MRPS35: variants seen among roughly 807,000 people sequenced by gnomAD.
The protein encoded by MRPS35 is small ribosomal subunit protein mS35.
Under a neutral mutation model 32.7 loss-of-function variants are expected in MRPS35, and 29 were observed. The ratio of observed to expected loss-of-function variants is 0.89; its 90% confidence interval spans 0.66 to 1.21. The LOEUF (loss-of-function observed/expected upper bound fraction) is 1.21. MRPS35 is among the 50% of genes most tolerant of loss of function. The pLI is 0.00. For missense variants in MRPS35, 373 were observed against 383.8 expected, an observed-to-expected ratio of 0.97 and a Z score of 0.23; for synonymous variants, 148 against 139.3, an observed-to-expected ratio of 1.06 and a Z score of -0.44.
At chr12:27,753,564 T>C (rs2062014756) in intron 7 of MRPS35, among the ~76,000 whole-genome samples, 1 of 152,170 alleles carries the variant, frequency 6.6e-6, no homozygotes, top group Non-Finnish European at 1.5e-5. Flanking sequence ...GGAATCTCTT[T>C]GAAGGGGATT....
chr12:27,716,515 TC>T (rs2061851767), intron 3 of MRPS35, 57 bp downstream of exon 3: 3 of 1,571,400 alleles, frequency 1.9e-6, no homozygotes, highest in African/African-American at 2.9e-5. Context: ...ATGCTGATCT[TC>T]CCCCCTATTT....
chr12:27,751,261 C>T (rs2062002168), intron 7 of MRPS35, among the ~76,000 whole-genome samples: 1 of 152,264 alleles, frequency 6.6e-6, no homozygotes, highest in East Asian at 1.9e-4. Context: ...GTTTTCCTTA[C>T]TAATGACTTT....
At position 27,714,822 on chromosome 12, in the gene MRPS35, T is replaced by TA; in HGVS notation, c.153+7dup. The TA allele has an allele frequency of 6.2e-7, 1 of 1,608,472 alleles. No individual in the cohort carries two copies. Among genetic ancestry groups the TA allele is most frequent in the Non-Finnish European group, 8.5e-7 (1 of 1,176,166 alleles). Reference sequence around the variant, plus strand: ...AATGAAAGGCCACCAAGAAGAAAGGTAAAAAGTTCGTATACTCTACTATCT... The same window carrying TA: ...AATGAAAGGCCACCAAGAAGAAAGGTAAAAAAGTTCGTATACTCTACTATCT... On this transcript the variant is annotated splice_region_variant and intron_variant, in intron 2 of 7. Coordinates refer to ENST00000081029, the MANE Select transcript of MRPS35 (RefSeq NM_021821.4).
chr12:27,751,615 C>T (rs1387794780), intron 7 of MRPS35, among the ~76,000 whole-genome samples: 2 of 152,148 alleles, frequency 1.3e-5, no homozygotes, highest in Non-Finnish European at 2.9e-5. Flanking sequence ...GCAGCTTAAC[C>T]CTTTATCTGG....
At chr12:27,718,881 G>C (rs1380668925) in intron 3 of MRPS35, among the ~76,000 whole-genome samples, 1 of 152,174 alleles carries the variant, frequency 6.6e-6, no homozygotes, top group Admixed American at 6.5e-5. Context: ...GAGGCCAGGA[G>C]TTTGAGACCA....
chr12:27,717,592 T>C (rs1465609750), intron 3 of MRPS35, among the ~76,000 whole-genome samples: 1 of 152,196 alleles, frequency 6.6e-6, no homozygotes, highest in Non-Finnish European at 1.5e-5. Context: ...GGAGAATGGG[T>C]ACTCTGTTGC....
intron 4 of MRPS35, among the ~76,000 whole-genome samples, chr12:27,722,293 A>G (rs2061879665): frequency 6.6e-6 from 1 of 152,228 alleles, no homozygotes; most frequent in African/African-American, 2.4e-5. Flanking sequence ...AGCATGGGAA[A>G]GTTAGGTAAT....
At position 27,753,880 on chromosome 12, in the gene MRPS35, G is replaced by A. The variant is rs535184240; in HGVS notation, c.703-1301G>A. Among the ~76,000 whole-genome samples the A allele has an allele frequency of 3.3e-5, 5 of 152,286 alleles. No homozygotes were observed. The East Asian group carries it at 7.7e-4, about 23-fold the overall frequency. ...TACCAGTGTTCCCTAGAATAGCATG[G>A]TAATAATTTTTGTAAGAAAAAACGA... On this transcript the variant is annotated intron_variant, in intron 7 of 7. Coordinates refer to ENST00000081029, the MANE Select transcript of MRPS35 (RefSeq NM_021821.4).
At chr12:27,711,580 A>C (rs1266714509) in intron 1 of MRPS35, among the ~76,000 whole-genome samples, 1 of 152,120 alleles carries the variant, frequency 6.6e-6, no homozygotes, top group Non-Finnish European at 1.5e-5. Flanking sequence ...TCTAATCAAT[A>C]GGCGGATCCT....
At chr12:27,752,493 T>C (rs2062009595) in intron 7 of MRPS35, among the ~76,000 whole-genome samples, 1 of 152,340 alleles carries the variant, frequency 6.6e-6, no homozygotes, top group African/African-American at 2.4e-5. Context: ...AATAGTTAAG[T>C]CTCTTAATTG....
At chr12:27,740,623 G>T (rs954405997) in intron 7 of MRPS35, among the ~76,000 whole-genome samples, 19 of 152,308 alleles carry the variant, frequency 1.2e-4, no homozygotes, top group African/African-American at 4.6e-4. Flanking sequence ...GCACTGAGGG[G>T]AAAGTAGCTG....
chr12:27,732,987 GATATATATATATATAT>G (rs56932909), intron 5 of MRPS35, among the ~76,000 whole-genome samples: 3,165 of 120,014 alleles, frequency 0.026, 64 homozygotes, highest in African/African-American at 0.039. Context: ...GTCATTTGAA[GATATATATATATATAT>G]ATATATATAT....
intron 5 of MRPS35, among the ~76,000 whole-genome samples, chr12:27,725,293 G>A (rs1260886919): frequency 4.6e-5 from 7 of 152,092 alleles, no homozygotes; most frequent in African/African-American, 1.2e-4. Context: ...TGAATCTGGG[G>A]GTGTAATGTT....
At position 27,710,864 on chromosome 12, in the gene MRPS35, A is replaced by T. The variant is rs767634475; in HGVS notation, c.21A>T (p.Pro7=). 1 of 1,609,496 alleles carries T rather than the reference A, an allele frequency of 6.2e-7. No homozygotes were observed. The highest frequency in any genetic ancestry group is 2.2e-5 in the East Asian group (1 of 44,870). Residue 7 remains proline (P), a synonymous_variant, in exon 1 of 8, where the codon CCA becomes CCT. Coordinates refer to ENST00000081029, the MANE Select transcript of MRPS35 (RefSeq NM_021821.4). ...CAGCCATGGCGGCCGCCGCGCTCCC[A>T]GCATGGCTGTCTCTGCAGTCGAGGG... MAAAAL[P]AWLSLQSRAR... is the part of the protein sequence containing the mutation.
chr12:27,744,625 GTA>G (rs2061975928), intron 7 of MRPS35, among the ~76,000 whole-genome samples: 2 of 152,210 alleles, frequency 1.3e-5, no homozygotes. Context: ...AACATGAAGC[GTA>G]TGTTTTTATT....
chr12:27,711,834 A>G (rs74074247), intron 1 of MRPS35, among the ~76,000 whole-genome samples: 3,678 of 150,610 alleles, frequency 0.024, 161 homozygotes, highest in African/African-American at 0.085. Flanking sequence ...AAATACATTA[A>G]TCCTTCATAC....
intron 7 of MRPS35, among the ~76,000 whole-genome samples, chr12:27,743,767 A>G (rs894879482): frequency 7.9e-5 from 12 of 152,210 alleles, no homozygotes; most frequent in Admixed American, 5.9e-4. Flanking sequence ...TATTTCTCAC[A>G]GTTCTAGAGG....
At chr12:27,732,154 GCT>G (rs1417931511) in intron 5 of MRPS35, among the ~76,000 whole-genome samples, 1 of 152,134 alleles carries the variant, frequency 6.6e-6, no homozygotes, top group Non-Finnish European at 1.5e-5. Flanking sequence ...CAGTTGTTGA[GCT>G]CTGTTGTGTG....
chr12:27,742,177 A>T (rs1484187636), intron 7 of MRPS35, among the ~76,000 whole-genome samples: 1 of 152,244 alleles, frequency 6.6e-6, no homozygotes, highest in African/African-American at 2.4e-5. Flanking sequence ...GATATTTCTG[A>T]TAAAAATGAA....
Sources: allele counts gnomAD v4.1 joint callset (sites outside exome capture counted in the v4.1 genomes callset), GRCh38; gene constraint gnomAD v4.1.1; transcripts MANE v1.5; gene names NCBI Gene and HGNC (gene_info 2026-07-23, HGNC 2026-07-21).